STAG1: variants seen among roughly 807,000 people sequenced by gnomAD.
STAG1 encodes cohesin subunit SA-1.
In STAG1, 26 loss-of-function variants were observed where a neutral mutation model predicts 170.9. The ratio of observed to expected loss-of-function variants is 0.15; its 90% CI spans 0.11 to 0.21. STAG1 has a LOEUF of 0.21. Among genes scored for constraint, STAG1 ranks in the 10% least tolerant of loss-of-function variants. STAG1 has a pLI of 1.00. For synonymous variants in STAG1, 514 were observed against 497.7 expected (o/e 1.03, Z -0.44); for missense variants, 964 against 1,509.5 (o/e 0.64, Z 5.99).
chr3:136,644,301 T>C (rs1940914326), intron 1 of STAG1, among the ~76,000 whole-genome samples: 1 of 152,182 alleles, frequency 6.6e-6, no homozygotes, highest in Non-Finnish European at 1.5e-5. Context: ...ACTGTAAAAT[T>C]AGGGGAAGAA....
chr3:136,623,038 T>C, intron 3 of STAG1, 108 bp downstream of exon 3: 1 of 915,632 alleles, frequency 1.1e-6, no homozygotes, highest in Non-Finnish European at 1.6e-6. Flanking sequence ...ATTGTGTCAC[T>C]GAATTTTTTT....
At chr3:136,562,405 C>G (rs983213537) in intron 5 of STAG1, among the ~76,000 whole-genome samples, 2 of 151,470 alleles carry the variant, frequency 1.3e-5, no homozygotes, top group African/African-American at 4.9e-5. Flanking sequence ...GGATTACGGG[C>G]ACCCACCACC....
At chr3:136,426,850 T>A (rs1490366573) in intron 16 of STAG1, among the ~76,000 whole-genome samples, 5 of 151,680 alleles carry the variant, frequency 3.3e-5, no homozygotes, top group South Asian at 2.1e-4. Flanking sequence ...GGGTGGATCA[T>A]GAGGTCAGGA....
At chr3:136,556,790 C>T (rs1461182404) in intron 5 of STAG1, among the ~76,000 whole-genome samples, 1 of 151,920 alleles carries the variant, frequency 6.6e-6, no homozygotes, top group Non-Finnish European at 1.5e-5. Context: ...ACCATGTTGC[C>T]CAGGCTGGAC....
intron 5 of STAG1, among the ~76,000 whole-genome samples, chr3:136,546,485 A>C (rs975946981): frequency 1.3e-5 from 2 of 152,210 alleles, no homozygotes; most frequent in Non-Finnish European, 2.9e-5. Context: ...CAACCAAAAA[A>C]TTTTAGTCAT....
chr3:136,599,223 G>A (rs1438401080), intron 4 of STAG1, among the ~76,000 whole-genome samples: 2 of 152,094 alleles, frequency 1.3e-5, no homozygotes, highest in African/African-American at 4.8e-5. Context: ...TGGTATACAT[G>A]CAGCCATTAA....
chr3:136,661,147 C>T (rs942701055), intron 1 of STAG1, among the ~76,000 whole-genome samples: 1 of 152,186 alleles, frequency 6.6e-6, no homozygotes, highest in African/African-American at 2.4e-5. Context: ...CTTAGAATAA[C>T]TCTAGAAGGC....
chr3:136,735,523 G>A (rs971670858), intron 1 of STAG1, among the ~76,000 whole-genome samples: 2 of 151,384 alleles, frequency 1.3e-5, no homozygotes, highest in African/African-American at 2.4e-5. Context: ...TGGAACCTCC[G>A]CCTCCTGGGT....
intron 23 of STAG1, among the ~76,000 whole-genome samples, chr3:136,370,626 T>C (rs1937280203): frequency 6.6e-6 from 1 of 152,180 alleles, no homozygotes; most frequent in South Asian, 2.1e-4. Context: ...TTTTTTGTCC[T>C]TGTGATAGTT....
intron 1 of STAG1, among the ~76,000 whole-genome samples, chr3:136,656,166 A>T (rs1941363443): frequency 6.9e-6 from 1 of 145,914 alleles, no homozygotes; most frequent in Non-Finnish European, 1.5e-5. Flanking sequence ...CAAAAAAATA[A>T]AAAAAAAAAA....
At chr3:136,690,056 CAAAAAAAAAA>C (rs57082567) in intron 1 of STAG1, among the ~76,000 whole-genome samples, 42 of 56,370 alleles carry the variant, frequency 7.5e-4, no homozygotes, top group Middle Eastern at 0.034. Context: ...AAAAGCAAAC[CAAAAAAAAAA>C]AAAAAAAAAA....
chr3:136,683,759 C>G (rs1303164882), intron 1 of STAG1, among the ~76,000 whole-genome samples: 1 of 152,160 alleles, frequency 6.6e-6, no homozygotes, highest in Non-Finnish European at 1.5e-5. Flanking sequence ...TCAAAACAGT[C>G]TCTGTTCCCA....
At chr3:136,343,476 G>T (rs1224813909) in intron 30 of STAG1, among the ~76,000 whole-genome samples, 1 of 152,156 alleles carries the variant, frequency 6.6e-6, no homozygotes, top group Non-Finnish European at 1.5e-5. Flanking sequence ...TTGGTGTCCA[G>T]ACTACTGACA....
intron 5 of STAG1, among the ~76,000 whole-genome samples, chr3:136,567,824 A>G (rs1386846443): frequency 1.3e-5 from 2 of 152,246 alleles, no homozygotes; most frequent in Non-Finnish European, 2.9e-5. Context: ...AGCTTGCCAC[A>G]TACTAAACAG....
At chr3:136,478,186 T>C (rs151143602) in intron 9 of STAG1, among the ~76,000 whole-genome samples, 3 of 152,324 alleles carry the variant, frequency 2.0e-5, no homozygotes, top group Non-Finnish European at 4.4e-5. Context: ...TAATAATATA[T>C]TTTTTAGGCT....
At chr3:136,693,682 A>G (rs1364781550) in intron 1 of STAG1, among the ~76,000 whole-genome samples, 1 of 151,542 alleles carries the variant, frequency 6.6e-6, no homozygotes, top group Admixed American at 6.6e-5. Context: ...TAATCCTTCC[A>G]TCTCAGCCTC....
At chr3:136,434,402 T>C (rs904958851) in intron 15 of STAG1, among the ~76,000 whole-genome samples, 1 of 152,090 alleles carries the variant, frequency 6.6e-6, no homozygotes, top group African/African-American at 2.4e-5. Flanking sequence ...TGAAAAGGGG[T>C]ATTTGGTTAT....
chr3:136,647,964 G>C (rs1256476927), intron 1 of STAG1, among the ~76,000 whole-genome samples: 2 of 152,126 alleles, frequency 1.3e-5, no homozygotes, highest in African/African-American at 4.8e-5. Flanking sequence ...GTGCTTCTTA[G>C]TTCTTATCTT....
chr3:136,602,127 T>C (rs905421027), intron 4 of STAG1, among the ~76,000 whole-genome samples: 3 of 152,074 alleles, frequency 2.0e-5, no homozygotes, highest in Non-Finnish European at 4.4e-5. Context: ...ACGTCTATAA[T>C]CCCAGCACTT....
Sources: allele counts gnomAD v4.1 joint callset (sites outside exome capture counted in the v4.1 genomes callset), GRCh38; gene constraint gnomAD v4.1.1; transcripts MANE v1.5; gene names NCBI Gene and HGNC (gene_info 2026-07-23, HGNC 2026-07-21).